The following TBL1X variants were observed in gnomAD, a reference collection of about 807,000 sequenced individuals.
TBL1X encodes F-box-like/WD repeat-containing protein TBL1X.
In TBL1X, 10 loss-of-function variants were observed where a neutral mutation model predicts 50.7. That is an observed-to-expected ratio of 0.20 (90% confidence interval 0.12 to 0.33). TBL1X has a LOEUF of 0.33. TBL1X is among the 10% of genes least tolerant of loss of function. The pLI, the probability that TBL1X is intolerant of heterozygous loss-of-function variation, is 1.00. For synonymous variants in TBL1X, 190 were observed against 214.7 expected (o/e 0.88, Z 1.01); for missense variants, 340 against 504.4 (o/e 0.67, Z 3.12).
At chrX:9,530,922 G>A (rs1223325004) in intron 2 of TBL1X, 1 of 111,836 alleles carries the variant, frequency 8.9e-6, no homozygotes, top group Non-Finnish European at 1.9e-5. Flanking sequence ...CGAGCATCAC[G>A]TGTGAGGCTG....
chrX:9,497,007 T>A (rs181790336), intron 1 of TBL1X, among the ~76,000 whole-genome samples: 2 of 112,112 alleles, frequency 1.8e-5, no homozygotes, highest in Non-Finnish European at 3.8e-5. Flanking sequence ...GACACACTTA[T>A]GATTATAGCA....
At chrX:9,656,049 TG>T (rs2082863451) in intron 5 of TBL1X, among the ~76,000 whole-genome samples, 1 of 112,931 alleles carries the variant, frequency 8.9e-6, no homozygotes, top group African/African-American at 3.2e-5. Flanking sequence ...TGTGATTGGC[TG>T]TTGCCAGAAC....
intron 12 of TBL1X, among the ~76,000 whole-genome samples, chrX:9,700,982 T>C (rs1023867047): frequency 2.7e-5 from 3 of 110,469 alleles, no homozygotes; most frequent in African/African-American, 9.9e-5. Flanking sequence ...CCGTCAGTGC[T>C]GTGGGAGTTG....
intron 2 of TBL1X, among the ~76,000 whole-genome samples, chrX:9,598,453 G>A (rs1342427452): frequency 9.0e-6 from 1 of 111,547 alleles, no homozygotes; most frequent in African/African-American, 3.3e-5. Context: ...TTTTTAAGAT[G>A]CCAGAGCCTG....
At chrX:9,579,259 T>G (rs947891589) in intron 2 of TBL1X, among the ~76,000 whole-genome samples, 4 of 112,262 alleles carry the variant, frequency 3.6e-5, no homozygotes, top group African/African-American at 1.3e-4. Flanking sequence ...ACAGATGTAT[T>G]CACCATCAGT....
At position 9,571,443 on chromosome X, in the gene TBL1X, A is replaced by G. The variant is rs1467881643; in HGVS notation, c.-130-68830A>G. ...AGAAGTCTGCGGATATCCCACCTTA[A>G]GATAGCCATATGCACAATTAGTCAT... On this transcript the variant is annotated intron_variant, in intron 2 of 17. Transcript: ENST00000645353. 2.7e-5 allele frequency among the ~76,000 whole-genome samples: 3 copies of G among 112,276 alleles called. No homozygotes were observed. In the South Asian group the frequency reaches 1.1e-3, roughly 42 times the overall value.
At position 9,718,302 on chromosome X, in the gene TBL1X, G is replaced by A. The variant is rs1222778804; in HGVS notation, c.*2056G>A. The A allele has an allele frequency of 8.9e-6, 1 of 112,053 alleles. No individual in the cohort carries two copies. The highest frequency in any genetic ancestry group is 1.9e-5 in the Non-Finnish European group (1 of 53,218). 9.2% of individuals were successfully genotyped at this position (112,053 alleles called of 1,213,427 possible). A position where few individuals can be genotyped will look rare whatever the true frequency, so the allele number is the denominator to read the frequency against. ...GGACCACCTGCAAAAGCCAGGGTGC[G>A]TTGATCATTCTCAGATCATTGATTG... is the stretch of plus-strand genomic sequence containing the variant. On this transcript the variant is annotated 3_prime_UTR_variant, in exon 18 of 18. Transcript: ENST00000645353.
rs921806435 is a variant in TBL1X at position 9,718,786 on chromosome X, C to T, written c.*2540C>T. 2.7e-5 allele frequency: 3 copies of T among 111,943 alleles called. No homozygotes were observed. Among genetic ancestry groups the T allele is most frequent in the African/African-American group, 9.7e-5 (3 of 30,817 alleles). 9.2% of individuals were successfully genotyped at this position (111,943 alleles called of 1,213,427 possible). A position where few individuals can be genotyped will look rare whatever the true frequency, so the allele number is the denominator to read the frequency against. ...TGGCTTTAGTCTTGATGAATGTGAA[C>T]CATGTCGGAATTGTTAGGTAGAAAC... is the stretch of plus-strand genomic sequence containing the variant. On this transcript the variant is annotated 3_prime_UTR_variant, in exon 18 of 18. Coordinates refer to ENST00000645353, the MANE Select transcript of TBL1X (RefSeq NM_005647.4).
chrX:9,600,394 G>A (rs985025289), intron 2 of TBL1X, among the ~76,000 whole-genome samples: 1 of 87,163 alleles, frequency 1.1e-5, no homozygotes, highest in Non-Finnish European at 2.1e-5. Context: ...CCTCATGACC[G>A]CATTACCTCC....
intron 2 of TBL1X, among the ~76,000 whole-genome samples, chrX:9,514,745 A>G (rs931297650): frequency 1.4e-4 from 6 of 43,561 alleles, no homozygotes; most frequent in African/African-American, 3.1e-4. Context: ...ACAGTTACCT[A>G]GCCTTGGAGC....
intron 1 of TBL1X, among the ~76,000 whole-genome samples, chrX:9,498,627 G>T: frequency 8.9e-6 from 1 of 112,631 alleles, no homozygotes; most frequent in Non-Finnish European, 1.9e-5. Context: ...TCCAGCTCTT[G>T]CCTTCTTCGC....
intron 2 of TBL1X, among the ~76,000 whole-genome samples, chrX:9,562,269 C>A (rs965084920): frequency 8.9e-6 from 1 of 112,379 alleles, no homozygotes; most frequent in African/African-American, 3.2e-5. Context: ...AATGTATCAT[C>A]TTTAAATGTG....
chrX:9,491,015 A>G (rs1325586563), intron 1 of TBL1X, among the ~76,000 whole-genome samples: 3 of 109,279 alleles, frequency 2.7e-5, no homozygotes, highest in Admixed American at 9.9e-5. Flanking sequence ...ATCTCACTCT[A>G]TCACCCAGGC....
At chrX:9,701,355 T>G (rs1429208526) in intron 12 of TBL1X, among the ~76,000 whole-genome samples, 4 of 109,362 alleles carry the variant, frequency 3.7e-5, no homozygotes, top group Non-Finnish European at 7.6e-5. Context: ...AGGCCCCCAG[T>G]GTAGCTCAGC....
chrX:9,500,421 C>G (rs191514543), intron 1 of TBL1X, among the ~76,000 whole-genome samples: 34 of 110,653 alleles, frequency 3.1e-4, no homozygotes, highest in African/African-American at 1.1e-3. Context: ...ATGGTGAAAC[C>G]CCGTCTCTAC....
intron 1 of TBL1X, among the ~76,000 whole-genome samples, chrX:9,475,823 A>T (rs1172581093): frequency 1.8e-5 from 2 of 111,501 alleles, no homozygotes; most frequent in African/African-American, 3.3e-5. Context: ...TGTCAGCTTT[A>T]GTTTTTGTGT....
At chrX:9,609,772 A>G (rs1338061563) in intron 2 of TBL1X, among the ~76,000 whole-genome samples, 1 of 111,625 alleles carries the variant, frequency 9.0e-6, no homozygotes, top group Non-Finnish European at 1.9e-5. Context: ...TGGTCAGCTG[A>G]GCCAGGAATG....
At chrX:9,597,849 T>C (rs2082534178) in intron 2 of TBL1X, among the ~76,000 whole-genome samples, 1 of 111,644 alleles carries the variant, frequency 9.0e-6, no homozygotes, top group Non-Finnish European at 1.9e-5. Flanking sequence ...ACCGATCAGG[T>C]TTCAGACGTT....
At chrX:9,597,128 A>C (rs1335889531) in intron 2 of TBL1X, among the ~76,000 whole-genome samples, 1 of 111,673 alleles carries the variant, frequency 9.0e-6, no homozygotes, top group Non-Finnish European at 1.9e-5. Context: ...CTGAGACCTA[A>C]GTGGATAGGA....
Sources: gnomAD v4.1 joint callset for allele counts (sites outside exome capture counted in the v4.1 genomes callset) on GRCh38, gnomAD v4.1.1 for gene constraint, MANE v1.5 for transcripts, NCBI Gene and HGNC (gene_info 2026-07-23, HGNC 2026-07-21) for gene names.